CHMP4C: variants seen among roughly 807,000 people sequenced by gnomAD.
CHMP4C encodes charged multivesicular body protein 4C, also known as SNF7 homolog associated with Alix 3.
Under a neutral mutation model 29.0 loss-of-function variants are expected in CHMP4C, and 28 were observed. That is an observed-to-expected ratio of 0.97 (90% CI 0.72 to 1.32). CHMP4C has a LOEUF of 1.32. CHMP4C is among the 40% of genes most tolerant of loss of function. The pLI is 0.00. For synonymous variants in CHMP4C, 106 were observed against 102.4 expected (o/e 1.04, Z -0.21); for missense variants, 291 against 281.0 (o/e 1.04, Z -0.25).
At chr8:81,737,298 GC>G (rs1311594450) in intron 1 of CHMP4C, among the ~76,000 whole-genome samples, 2 of 151,866 alleles carry the variant, frequency 1.3e-5, no homozygotes, top group Non-Finnish European at 2.9e-5. Context: ...TTTTTAAAGT[GC>G]CCCCACCTGA....
At chr8:81,751,643 G>C (rs918380434) in intron 1 of CHMP4C, among the ~76,000 whole-genome samples, 8 of 151,854 alleles carry the variant, frequency 5.3e-5, no homozygotes, top group African/African-American at 1.9e-4. Context: ...ATAAAGACAA[G>C]AAAGCAGAAA....
chr8:81,751,345 A>C (rs1333744102), intron 1 of CHMP4C, among the ~76,000 whole-genome samples: 1 of 150,108 alleles, frequency 6.7e-6, no homozygotes, highest in African/African-American at 2.4e-5. Flanking sequence ...GCAATTGTTA[A>C]GAAAGATTTC....
intron 1 of CHMP4C, among the ~76,000 whole-genome samples, chr8:81,743,734 A>C (rs1392281986): frequency 6.6e-6 from 1 of 152,126 alleles, no homozygotes; most frequent in East Asian, 1.9e-4. Flanking sequence ...ACCTTTTTAA[A>C]TATTCTCTTG....
At chr8:81,738,413 A>G (rs1176140040) in intron 1 of CHMP4C, among the ~76,000 whole-genome samples, 2 of 152,200 alleles carry the variant, frequency 1.3e-5, no homozygotes, top group Non-Finnish European at 2.9e-5. Context: ...AAGCTCTCTC[A>G]CTTTGAAGCC....
chr8:81,739,393 C>T (rs936773406), intron 1 of CHMP4C, among the ~76,000 whole-genome samples: 4 of 111,928 alleles, frequency 3.6e-5, no homozygotes, highest in Non-Finnish European at 4.9e-5. Flanking sequence ...GTACCATACT[C>T]GGTATTCTAA....
intron 1 of CHMP4C, among the ~76,000 whole-genome samples, chr8:81,746,835 A>T (rs1047067857): frequency 6.6e-6 from 1 of 152,250 alleles, no homozygotes; most frequent in Non-Finnish European, 1.5e-5. Context: ...TCAGTGTCAT[A>T]CCATGAGAGT....
chr8:81,750,456 AAAG>A (rs1311676252), intron 1 of CHMP4C, among the ~76,000 whole-genome samples: 7 of 151,564 alleles, frequency 4.6e-5, no homozygotes, highest in African/African-American at 1.7e-4. Flanking sequence ...TAAAAAAAAA[AAAG>A]ACTCCGTACA....
intron 1 of CHMP4C, among the ~76,000 whole-genome samples, chr8:81,748,448 T>C (rs1808858397): frequency 6.6e-6 from 1 of 152,180 alleles, no homozygotes; most frequent in African/African-American, 2.4e-5. Context: ...CGTTTAGAGA[T>C]TGCAGTAAAG....
At chr8:81,752,085 G>T (rs1808910907) in intron 1 of CHMP4C, among the ~76,000 whole-genome samples, 1 of 152,038 alleles carries the variant, frequency 6.6e-6, no homozygotes, top group African/African-American at 2.4e-5. Context: ...AATCAAATTT[G>T]TTGCAATTAC....
rs62514262 is a variant in CHMP4C, at chr8:81,758,177, G to A, written c.519G>A (p.Gln173=). 0.039 allele frequency: 63,621 copies of A among 1,613,700 alleles called. 1,463 individuals carry two copies. The highest frequency in any genetic ancestry group is 0.048 in the Middle Eastern group (290 of 6,056). ...TGGCAGAACTTGAAGAATTGGAACAGGAGGAATTAAATAAGAAGATGACAA... is the reference window on the plus strand; with the variant it reads ...TGGCAGAACTTGAAGAATTGGAACAAGAGGAATTAAATAAGAAGATGACAA... ...ELMAELEELE[Q]EELNKKMTNI... is the part of the protein sequence containing the mutation. Residue 173 remains glutamine, a synonymous_variant, in exon 4 of 5, where the codon CAG becomes CAA. Coordinates refer to ENST00000297265, the MANE Select transcript of CHMP4C (RefSeq NM_152284.4).
intron 1 of CHMP4C, among the ~76,000 whole-genome samples, chr8:81,750,636 A>G (rs1289363182): frequency 2.0e-5 from 3 of 152,066 alleles, no homozygotes; most frequent in African/African-American, 4.8e-5. Context: ...AAAGCCAAAG[A>G]ATACAATGTT....
At chr8:81,736,055 C>T (rs1808684489) in intron 1 of CHMP4C, among the ~76,000 whole-genome samples, 1 of 151,164 alleles carries the variant, frequency 6.6e-6, no homozygotes. Context: ...CATTGCACTC[C>T]AGCCTGAGCG....
intron 1 of CHMP4C, among the ~76,000 whole-genome samples, chr8:81,747,474 G>C (rs189223541): frequency 3.3e-5 from 5 of 152,210 alleles, no homozygotes; most frequent in African/African-American, 1.2e-4. Context: ...GGGTATGTTG[G>C]GTGGGGATGT....
intron 4 of CHMP4C, 43 bp from the exon 5 acceptor site, chr8:81,758,437 T>C (rs1563624436): frequency 6.4e-7 from 1 of 1,559,634 alleles, no homozygotes; most frequent in East Asian, 2.2e-5. Context: ...GCTGAAAGTG[T>C]GAATGTCACC....
chr8:81,747,586 T>C (rs558153121), intron 1 of CHMP4C, among the ~76,000 whole-genome samples: 1 of 152,298 alleles, frequency 6.6e-6, no homozygotes, highest in African/African-American at 2.4e-5. Context: ...TCTGTTATGA[T>C]GAGGTATTTT....
At position 81,739,554 on chromosome 8, in the gene CHMP4C, T is replaced by C. The variant is rs1344162238; in HGVS notation, c.190+6738T>C. Among the ~76,000 whole-genome samples, 3 of 152,076 alleles carry C rather than the reference T, an allele frequency of 2.0e-5. No homozygotes were observed. The East Asian group carries it at 5.8e-4, about 29-fold the overall frequency. ...TGGAAACATGATCCTCCCCTCAACCTTCATCCCTAATTTCCCTCCCTTACC... is the reference window on the plus strand; with the variant it reads ...TGGAAACATGATCCTCCCCTCAACCCTCATCCCTAATTTCCCTCCCTTACC... On this transcript the variant is annotated intron_variant, in intron 1 of 4. Coordinates refer to ENST00000297265, the MANE Select transcript of CHMP4C (RefSeq NM_152284.4).
rs1175745894 is a variant in CHMP4C at position 81,739,827 on chromosome 8, A to G, written c.190+7011A>G. Among the ~76,000 whole-genome samples, 4 of 152,282 alleles carry G rather than the reference A, an allele frequency of 2.6e-5. No individual in the cohort carries two copies. In the East Asian group the frequency reaches 5.8e-4, roughly 22 times the overall value. ...TTCTGTTAATACTGTCTCAATTTGA[A>G]TATGATTTTTCAGATACCCATTTCA... On this transcript the variant is annotated intron_variant, in intron 1 of 4. Transcript: ENST00000297265.
chr8:81,740,517 G>A (rs1808751301), intron 1 of CHMP4C, among the ~76,000 whole-genome samples: 1 of 152,182 alleles, frequency 6.6e-6, no homozygotes, highest in Non-Finnish European at 1.5e-5. Flanking sequence ...AACAGGACAT[G>A]AACCGGGGTT....
intron 1 of CHMP4C, among the ~76,000 whole-genome samples, chr8:81,750,595 C>A (rs560901393): frequency 6.6e-6 from 1 of 151,868 alleles, no homozygotes; most frequent in Non-Finnish European, 1.5e-5. Flanking sequence ...CAGAGTGATA[C>A]CCTGTGTCAA....
Sources: allele counts gnomAD v4.1 joint callset (sites outside exome capture counted in the v4.1 genomes callset), GRCh38; gene constraint gnomAD v4.1.1; transcripts MANE v1.5; gene names NCBI Gene and HGNC (gene_info 2026-07-23, HGNC 2026-07-21).